Variants in ANXA8 observed in about 807,000 individuals in gnomAD.
The protein encoded by ANXA8 is annexin A8, also known as VAC-beta.
Under a neutral mutation model 26.8 loss-of-function variants are expected in ANXA8, and 9 were observed. That is an observed-to-expected ratio of 0.34 (90% CI 0.20 to 0.59). The LOEUF is 0.59. Ranked by LOEUF, ANXA8 falls within the 20% of genes least tolerant of loss-of-function variation. The pLI, the probability that ANXA8 is intolerant of heterozygous loss-of-function variation, is 0.84. For synonymous variants in ANXA8, 39 were observed against 94.8 expected, an observed-to-expected ratio of 0.41 and a Z score of 3.42; for missense variants, 83 against 238.5, an observed-to-expected ratio of 0.35 and a Z score of 4.29.
At chr10:47,729,891 A>AAACTCT in the ANXA8 span, among the ~76,000 whole-genome samples, 3 of 124,484 alleles carry the variant, frequency 2.4e-5, no homozygotes, top group Non-Finnish European at 5.1e-5. Flanking sequence ...AGCTCATTGC[A>AAACTCT]ACCTCTACCT....
chr10:47,733,143 ATCTT>A, the ANXA8 span, among the ~76,000 whole-genome samples: 8,331 of 96,804 alleles, frequency 0.086, 293 homozygotes, highest in African/African-American at 0.1. Flanking sequence ...CAACTCCCTA[ATCTT>A]TCTTTCTTTC....
chr10:47,949,164 A>T, the ANXA8 span, among the ~76,000 whole-genome samples: 1 of 99,608 alleles, frequency 1.0e-5, no homozygotes, highest in Non-Finnish European at 1.9e-5. Flanking sequence ...TATGTACAAA[A>T]TTATATATAG....
At chr10:47,950,415 C>T in the ANXA8 span, among the ~76,000 whole-genome samples, 88 of 152,252 alleles carry the variant, frequency 5.8e-4, no homozygotes, top group African/African-American at 2.0e-3. Context: ...CCTATAGAAC[C>T]TTCTACCTAA....
chr10:47,566,158 C>T, the ANXA8 span: 18 of 441,130 alleles, frequency 4.1e-5, no homozygotes, highest in Admixed American at 1.8e-4. Context: ...TTTATTTAAG[C>T]TGTTCATTCT....
the ANXA8 span, among the ~76,000 whole-genome samples, chr10:47,519,177 TGTGGTACTGGCCAG>T: frequency 7.3e-6 from 1 of 136,336 alleles, no homozygotes; most frequent in Non-Finnish European, 1.5e-5. Flanking sequence ...TTTAAAAGGC[TGTGGTACTGGCCAG>T]GTGCGGTGGC....
At chr10:47,905,267 TGA>T in the ANXA8 span, among the ~76,000 whole-genome samples, 3 of 120,698 alleles carry the variant, frequency 2.5e-5, no homozygotes, top group African/African-American at 9.9e-5. Flanking sequence ...TTCAGTTGAC[TGA>T]GAAGAAAAAA....
At chr10:47,896,274 C>A in the ANXA8 span, among the ~76,000 whole-genome samples, 6 of 98,366 alleles carry the variant, frequency 6.1e-5, no homozygotes, top group African/African-American at 2.3e-4. Flanking sequence ...ATGATCCTAG[C>A]TTTTGCCTCT....
the ANXA8 span, among the ~76,000 whole-genome samples, chr10:47,905,145 G>C: frequency 6.7e-6 from 1 of 150,084 alleles, no homozygotes; most frequent in Non-Finnish European, 1.5e-5. Context: ...CCAAAACCGG[G>C]TCTATGGCAC....
upstream of ANXA8, among the ~76,000 whole-genome samples, chr10:47,489,009 C>T (rs1289102765): frequency 6.8e-6 from 1 of 147,304 alleles, no homozygotes; most frequent in Non-Finnish European, 1.5e-5. Flanking sequence ...GCCACCGCCC[C>T]CAGCAATTAT....
chr10:47,613,915 T>C, the ANXA8 span, among the ~76,000 whole-genome samples: 1 of 73,112 alleles, frequency 1.4e-5, no homozygotes, highest in Admixed American at 1.4e-4. Context: ...CCCATTCTGC[T>C]GTGTGGCCCA....
At chr10:47,709,879 C>T in the ANXA8 span, among the ~76,000 whole-genome samples, 1 of 74,836 alleles carries the variant, frequency 1.3e-5, no homozygotes, top group Non-Finnish European at 2.5e-5. Context: ...ATTGGGGAAC[C>T]AATTGGCTGT....
the ANXA8 span, among the ~76,000 whole-genome samples, chr10:47,673,970 G>C: frequency 2.0e-5 from 3 of 150,914 alleles, no homozygotes; most frequent in Non-Finnish European, 4.4e-5. Flanking sequence ...CATTTTCTTA[G>C]ACTTGAGCTT....
At chr10:47,546,724 T>C in the ANXA8 span, among the ~76,000 whole-genome samples, 1 of 137,884 alleles carries the variant, frequency 7.3e-6, no homozygotes, top group African/African-American at 2.6e-5. Context: ...TTTTAAAATT[T>C]AAGACACTTC....
At chr10:47,526,131 G>C in the ANXA8 span, among the ~76,000 whole-genome samples, 1 of 124,578 alleles carries the variant, frequency 8.0e-6, no homozygotes, top group Non-Finnish European at 1.6e-5. Context: ...TTTTGAGACA[G>C]AGTCTCACTC....
chr10:47,580,342 G>A, the ANXA8 span, among the ~76,000 whole-genome samples: 1 of 152,270 alleles, frequency 6.6e-6, no homozygotes, highest in South Asian at 2.1e-4. Flanking sequence ...CATCTAACAA[G>A]TGCAGAATAT....
chr10:47,956,951 A>T, the ANXA8 span, among the ~76,000 whole-genome samples: 1 of 147,904 alleles, frequency 6.8e-6, no homozygotes, highest in Admixed American at 6.6e-5. Context: ...AAAACAAAGG[A>T]TGTAGGAAAT....
At chr10:47,488,791 G>A (rs1172439990), upstream of ANXA8, among the ~76,000 whole-genome samples, 2 of 127,452 alleles carry the variant, frequency 1.6e-5, no homozygotes, top group African/African-American at 3.1e-5. Flanking sequence ...GCAGTGTCGC[G>A]ATCTCGGCTC....
the ANXA8 span, among the ~76,000 whole-genome samples, chr10:47,490,094 C>G: frequency 1.3e-5 from 2 of 150,616 alleles, no homozygotes; most frequent in Non-Finnish European, 2.9e-5. Context: ...GGTCACACCC[C>G]TCTCAGGATG....
the ANXA8 span, among the ~76,000 whole-genome samples, chr10:47,516,076 C>A: frequency 3.6e-5 from 4 of 110,796 alleles, no homozygotes; most frequent in Non-Finnish European, 3.6e-5. Flanking sequence ...ACAGAATATC[C>A]CAGAACTAGA....
Sources: allele counts gnomAD v4.1 joint callset (sites outside exome capture counted in the v4.1 genomes callset), GRCh38; gene constraint gnomAD v4.1.1; transcripts MANE v1.5; gene names NCBI Gene and HGNC (gene_info 2026-07-23, HGNC 2026-07-21).